The following IL12RB2 variants were observed in gnomAD, a reference collection of about 807,000 sequenced individuals.
IL12RB2 encodes interleukin-12 receptor subunit beta-2.
In IL12RB2, 82 loss-of-function variants were observed where a neutral mutation model predicts 89.4. That is an observed-to-expected ratio of 0.92 (90% CI 0.77 to 1.10). The LOEUF is 1.10. Among genes scored for constraint, IL12RB2 ranks in the 50% least tolerant of loss-of-function variants. The probability of loss-of-function intolerance (pLI) is 0.00; values close to 1 mark genes in which losing one functional copy is unlikely to be tolerated. For synonymous variants in IL12RB2, 368 were observed against 370.1 expected (o/e 0.99, Z 0.07); for missense variants, 963 against 1,031.9 (o/e 0.93, Z 0.92).
At chr1:67,393,157 C>G (rs559942385) in intron 16 of IL12RB2, among the ~76,000 whole-genome samples, 1 of 152,132 alleles carries the variant, frequency 6.6e-6, no homozygotes, top group East Asian at 1.9e-4. Flanking sequence ...TGTGTCCTCC[C>G]CTCCTAGCAA....
intron 13 of IL12RB2, among the ~76,000 whole-genome samples, chr1:67,376,716 G>GTGTGTGTA (rs1243299224): frequency 6.6e-6 from 1 of 151,744 alleles, no homozygotes; most frequent in African/African-American, 2.4e-5. Flanking sequence ...GTGTGTGTGT[G>GTGTGTGTA]TATGTGTGTT....
chr1:67,342,466 TG>T (rs1659745264), intron 9 of IL12RB2, among the ~76,000 whole-genome samples: 1 of 152,144 alleles, frequency 6.6e-6, no homozygotes, highest in South Asian at 2.1e-4. Flanking sequence ...GTGCAGCCCC[TG>T]GGGGTTGGGG....
At chr1:67,326,194 A>G (rs960218948) in intron 4 of IL12RB2, among the ~76,000 whole-genome samples, 2 of 152,226 alleles carry the variant, frequency 1.3e-5, no homozygotes, top group Non-Finnish European at 2.9e-5. Flanking sequence ...AAGAAAGCAA[A>G]TAAGTCTCTC....
chr1:67,318,015 G>T (rs780731023), intron 2 of IL12RB2, among the ~76,000 whole-genome samples: 26 of 152,224 alleles, frequency 1.7e-4, no homozygotes, highest in Non-Finnish European at 3.1e-4. Flanking sequence ...AGAGACAGTG[G>T]TCAGGGAGGG....
At chr1:67,351,116 G>T (rs535060816) in intron 10 of IL12RB2, 27 bp downstream of exon 10, 1 of 1,610,072 alleles carries the variant, frequency 6.2e-7, no homozygotes, top group Admixed American at 1.7e-5. Context: ...CTTTAACATT[G>T]CCTGTGGAAA....
Position 67,326,828 on chromosome 1 carries a change from T to C in IL12RB2, c.458T>C (p.Leu153Ser). 1 of 1,613,586 alleles carries C rather than the reference T, an allele frequency of 6.2e-7. No individual in the cohort carries two copies. The highest frequency in any genetic ancestry group is 8.5e-7 in the Non-Finnish European group (1 of 1,179,626). The change falls in exon 5 of 17, where the codon TTA becomes TCA. Residue 153 changes from leucine to serine, a missense_variant. Physicochemically the swap from Leu to Ser is moderately radical, Grantham distance 145 (BLOSUM62 -2). Coordinates refer to ENST00000674203, the MANE Select transcript of IL12RB2 (RefSeq NM_001374259.2). ...CTWERGRDTHLYTEYTLQLSG... is the reference protein window; with the variant it reads ...CTWERGRDTHSYTEYTLQLSG... ...TGGGAAAGAGGACGAGACACCCACTTATACACTGAGTATACTCTACAGTGA... is the reference window on the plus strand; with the variant it reads ...TGGGAAAGAGGACGAGACACCCACTCATACACTGAGTATACTCTACAGTGA...
intron 10 of IL12RB2, among the ~76,000 whole-genome samples, chr1:67,356,342 G>A (rs1661394009): frequency 1.3e-5 from 2 of 152,144 alleles, no homozygotes; most frequent in Non-Finnish European, 2.9e-5. Flanking sequence ...TGTGATCGCT[G>A]CCCAGGAATC....
chr1:67,324,179 A>G (rs1656967346), intron 4 of IL12RB2, among the ~76,000 whole-genome samples: 1 of 152,250 alleles, frequency 6.6e-6, no homozygotes, highest in South Asian at 2.1e-4. Flanking sequence ...ATCTAAATGT[A>G]TATATGTACA....
At chr1:67,339,409 C>T (rs1057501521) in intron 9 of IL12RB2, among the ~76,000 whole-genome samples, 2 of 151,888 alleles carry the variant, frequency 1.3e-5, no homozygotes, top group East Asian at 1.9e-4. Context: ...ATCACTTGAA[C>T]CCGGGAGGCA....
chr1:67,311,685 GA>G (rs1655082126), intron 1 of IL12RB2, among the ~76,000 whole-genome samples: 1 of 152,190 alleles, frequency 6.6e-6, no homozygotes, highest in Non-Finnish European at 1.5e-5. Flanking sequence ...AGGAGATACT[GA>G]GATGGAGGGT....
rs186033840 is a variant in IL12RB2 at position 67,311,426 on chromosome 1, G to A, written c.-124-2487G>A. Among the ~76,000 whole-genome samples, 606 of 152,254 alleles carry A rather than the reference G, an allele frequency of 4.0e-3. 2 individuals are homozygous for A. The highest frequency in any genetic ancestry group is 6.8e-3 in the Non-Finnish European group (463 of 68,018). ...AGAAGGGAAGCATAGAATGTAATTC[G>A]AATCCAATTCTGGATTTATGTGTGG... On this transcript the variant is annotated intron_variant, in intron 1 of 16. Transcript: ENST00000674203.
chr1:67,385,327 T>C (rs749283171), intron 14 of IL12RB2, among the ~76,000 whole-genome samples: 4 of 152,222 alleles, frequency 2.6e-5, no homozygotes, highest in African/African-American at 9.7e-5. Flanking sequence ...AAGCCCCTTA[T>C]GAAACCATCA....
intron 10 of IL12RB2, among the ~76,000 whole-genome samples, chr1:67,354,521 G>A (rs1263915023): frequency 6.6e-6 from 1 of 152,094 alleles, no homozygotes; most frequent in Non-Finnish European, 1.5e-5. Flanking sequence ...CGTCAGGAGG[G>A]AAAGAAGGAC....
intron 9 of IL12RB2, among the ~76,000 whole-genome samples, chr1:67,345,242 C>T (rs1449605099): frequency 3.3e-5 from 5 of 152,110 alleles, no homozygotes; most frequent in East Asian, 1.9e-4. Flanking sequence ...ATTTGTTATA[C>T]GAAGTAATTC....
chr1:67,379,543 T>A (rs1346620377), intron 13 of IL12RB2, among the ~76,000 whole-genome samples: 1 of 137,940 alleles, frequency 7.2e-6, no homozygotes. Context: ...TTCCATAGCC[T>A]TGAAAACAAT....
chr1:67,384,411 T>C (rs1664924947), intron 14 of IL12RB2, among the ~76,000 whole-genome samples: 4 of 152,220 alleles, frequency 2.6e-5, no homozygotes, highest in Admixed American at 2.0e-4. Flanking sequence ...CAAGGCTGCA[T>C]ACAGAAGTGG....
chr1:67,366,880 T>C (rs1304743807), intron 10 of IL12RB2, among the ~76,000 whole-genome samples: 1 of 152,132 alleles, frequency 6.6e-6, no homozygotes, highest in Non-Finnish European at 1.5e-5. Context: ...ATTTACATAA[T>C]AGCAGCTGGA....
chr1:67,368,696 G>C (rs1002834660), intron 11 of IL12RB2, among the ~76,000 whole-genome samples: 1 of 152,288 alleles, frequency 6.6e-6, no homozygotes, highest in African/African-American at 2.4e-5. Context: ...GTGGTTTAAA[G>C]TTCTGGCTCT....
intron 13 of IL12RB2, among the ~76,000 whole-genome samples, chr1:67,378,573 C>T (rs1411719916): frequency 2.0e-5 from 3 of 152,086 alleles, no homozygotes; most frequent in Admixed American, 2.0e-4. Context: ...TAAGTGAGGC[C>T]AGGTGATGTG....
Sources: gnomAD v4.1 joint callset for allele counts (sites outside exome capture counted in the v4.1 genomes callset) on GRCh38, gnomAD v4.1.1 for gene constraint, MANE v1.5 for transcripts, NCBI Gene and HGNC (gene_info 2026-07-23, HGNC 2026-07-21) for gene names.